Variants in DLGAP1 observed in about 807,000 individuals in gnomAD.
DLGAP1 encodes DLG associated protein 1, also known as disks large-associated protein 1.
In DLGAP1, 11 loss-of-function variants were observed where a neutral mutation model predicts 90.8. The ratio of observed to expected loss-of-function variants is 0.12; its 90% CI spans 0.08 to 0.20. The LOEUF is 0.20. Among genes scored for constraint, DLGAP1 ranks in the 10% least tolerant of loss-of-function variants. The pLI is 1.00. For synonymous variants in DLGAP1, 558 were observed against 540.7 expected (o/e 1.03, Z -0.44); for missense variants, 1,050 against 1,333.8 (o/e 0.79, Z 3.31).
chr18:3,970,169 C>T (rs1353550825), intron 3 of DLGAP1, among the ~76,000 whole-genome samples: 1 of 152,090 alleles, frequency 6.6e-6, no homozygotes, highest in Non-Finnish European at 1.5e-5. Context: ...CCTGCAATTT[C>T]CCTTGTCATC....
chr18:4,331,035 C>T (rs570856447), intron 1 of DLGAP1, among the ~76,000 whole-genome samples: 110 of 151,760 alleles, frequency 7.2e-4, no homozygotes, highest in Admixed American at 2.0e-3. Flanking sequence ...GGTGCAGAAA[C>T]GTTTAGGACT....
At chr18:3,562,476 G>C (rs1412115296) in intron 9 of DLGAP1, among the ~76,000 whole-genome samples, 1 of 151,652 alleles carries the variant, frequency 6.6e-6, no homozygotes, top group Admixed American at 6.6e-5. Flanking sequence ...GATAACGAGT[G>C]GGTCTCATGA....
chr18:4,158,758 T>G (rs2076797805), intron 1 of DLGAP1, among the ~76,000 whole-genome samples: 1 of 152,158 alleles, frequency 6.6e-6, no homozygotes, highest in Admixed American at 6.5e-5. Flanking sequence ...GAAATGCCAC[T>G]GCCCTCAAGG....
At chr18:4,026,523 A>C (rs2074701885) in intron 2 of DLGAP1, among the ~76,000 whole-genome samples, 1 of 152,200 alleles carries the variant, frequency 6.6e-6, no homozygotes, top group Admixed American at 6.5e-5. Context: ...CAAAGGGTGA[A>C]AAAAAAGAAG....
At position 3,546,949 on chromosome 18, in the gene DLGAP1, A is replaced by T. The variant is rs116467823; in HGVS notation, c.2058-12334T>A. Among the ~76,000 whole-genome samples, 1,006 of 151,072 alleles carry T rather than the reference A, an allele frequency of 6.7e-3. 14 individuals carry two copies. Among genetic ancestry groups the T allele is most frequent in the African/African-American group, 0.024 (974 of 40,720 alleles). ...AAGCTGGTTCTTTTCAAAAGCTAAT[A>T]AAATTGATAATCTTTTAGCAGACAG... is the stretch of plus-strand genomic sequence containing the variant. On this transcript the variant is annotated intron_variant, in intron 9 of 12. Transcript: ENST00000315677.
At chr18:4,312,821 T>C (rs1160533271) in intron 1 of DLGAP1, among the ~76,000 whole-genome samples, 1 of 152,236 alleles carries the variant, frequency 6.6e-6, no homozygotes, top group African/African-American at 2.4e-5. Context: ...TAAGTTTTAC[T>C]AGAATTTAAG....
intron 5 of DLGAP1, among the ~76,000 whole-genome samples, chr18:3,750,835 C>T (rs937570149): frequency 3.9e-5 from 6 of 152,202 alleles, no homozygotes; most frequent in Non-Finnish European, 8.8e-5. Context: ...GCTCTCCTTC[C>T]TCTGCTTTCC....
chr18:3,754,737 A>T lies in DLGAP1; in HGVS notation c.1173-12225T>A, dbSNP rs1430342641. Among the ~76,000 whole-genome samples the T allele has an allele frequency of 2.7e-5, 4 of 150,532 alleles. No homozygotes were observed. In the East Asian group the frequency reaches 7.8e-4, roughly 29 times the overall value. On this transcript the variant is annotated intron_variant, in intron 5 of 12. Transcript: ENST00000315677. ...CTACTAAAATACAAAAAAAAAAAAA[A>T]AAAAAAAAATTAGCTGGGCGTGGCA...
At chr18:4,436,836 A>G (rs2083412084) in intron 1 of DLGAP1, among the ~76,000 whole-genome samples, 1 of 152,174 alleles carries the variant, frequency 6.6e-6, no homozygotes, top group Non-Finnish European at 1.5e-5. Context: ...TCTAACAGTG[A>G]TTATGCTTAT....
chr18:4,419,328 G>A (rs1439937410), intron 1 of DLGAP1, among the ~76,000 whole-genome samples: 2 of 152,106 alleles, frequency 1.3e-5, no homozygotes, highest in Admixed American at 6.6e-5. Flanking sequence ...TACAAGATGA[G>A]ATTTGGGTGG....
intron 3 of DLGAP1, among the ~76,000 whole-genome samples, chr18:3,966,739 A>G (rs188966701): frequency 4.6e-5 from 7 of 152,294 alleles, no homozygotes; most frequent in Admixed American, 3.9e-4. Flanking sequence ...GACCTGTTAC[A>G]TTGGAGATGT....
At chr18:4,061,081 C>T (rs2075291762) in intron 2 of DLGAP1, among the ~76,000 whole-genome samples, 1 of 152,308 alleles carries the variant, frequency 6.6e-6, no homozygotes, top group African/African-American at 2.4e-5. Context: ...ATCTTCACTT[C>T]TATCTGGTGT....
At chr18:3,510,783 A>G (rs1356180622) in intron 10 of DLGAP1, among the ~76,000 whole-genome samples, 2 of 152,218 alleles carry the variant, frequency 1.3e-5, no homozygotes, top group South Asian at 2.1e-4. Context: ...ATGGTTCTCA[A>G]TTATGTCTGA....
intron 4 of DLGAP1, among the ~76,000 whole-genome samples, chr18:3,836,132 T>C (rs535330144): frequency 1.1e-4 from 16 of 152,300 alleles, no homozygotes; most frequent in African/African-American, 3.6e-4. Context: ...AATTGCAAAC[T>C]GGGTAGGTAT....
chr18:3,627,973 G>A (rs571282823), intron 7 of DLGAP1, among the ~76,000 whole-genome samples: 27 of 143,408 alleles, frequency 1.9e-4, no homozygotes, highest in Non-Finnish European at 3.7e-4. Flanking sequence ...CCACCTCCCC[G>A]GTTCCAGTGA....
chr18:3,611,682 C>A (rs577695334), intron 7 of DLGAP1, among the ~76,000 whole-genome samples: 1 of 152,186 alleles, frequency 6.6e-6, no homozygotes, highest in Non-Finnish European at 1.5e-5. Flanking sequence ...GTATGGTGGA[C>A]CCCTGCCAGT....
intron 3 of DLGAP1, among the ~76,000 whole-genome samples, chr18:3,959,875 G>A (rs769329871): frequency 3.2e-4 from 48 of 152,186 alleles, no homozygotes; most frequent in Admixed American, 3.3e-4. Flanking sequence ...ATTTTACACC[G>A]TCTCTTTTTA....
chr18:4,190,842 T>G lies in DLGAP1; in HGVS notation c.-266-39555A>C, dbSNP rs557402191. On this transcript the variant is annotated intron_variant, in intron 1 of 12. Coordinates refer to ENST00000315677, the MANE Select transcript of DLGAP1 (RefSeq NM_004746.4). ...AGGACTATAATATAGTTTTTTTCTC[T>G]TTAAAATACAAGTAAAGTTTTAAAT... is the stretch of plus-strand genomic sequence containing the variant. 1.6e-4 allele frequency among the ~76,000 whole-genome samples: 24 copies of G among 152,266 alleles called. No individual in the cohort carries two copies. The East Asian group carries it at 4.6e-3, about 29-fold the overall frequency.
At chr18:3,742,719 C>T (rs1035514051) in intron 5 of DLGAP1, among the ~76,000 whole-genome samples, 11 of 152,174 alleles carry the variant, frequency 7.2e-5, no homozygotes, top group African/African-American at 2.7e-4. Context: ...CATTCGAGAG[C>T]AATTAACATT....
Sources: allele counts gnomAD v4.1 joint callset (sites outside exome capture counted in the v4.1 genomes callset), GRCh38; gene constraint gnomAD v4.1.1; transcripts MANE v1.5; gene names NCBI Gene and HGNC (gene_info 2026-07-23, HGNC 2026-07-21).